The following ADAMTSL1 variants were observed in gnomAD, a reference collection of about 807,000 sequenced individuals.
ADAMTSL1 encodes ADAMTS-like protein 1.
ADAMTSL1 carries 126 observed loss-of-function variants against 201.8 expected under a neutral mutation model. The ratio of observed to expected loss-of-function variants is 0.62; its 90% confidence interval spans 0.54 to 0.72. ADAMTSL1 has a LOEUF of 0.72. Ranked by LOEUF, ADAMTSL1 falls within the 30% of genes least tolerant of loss-of-function variation. ADAMTSL1 has a pLI of 0.00. For missense variants in ADAMTSL1, 2,679 were observed against 2,277.8 expected (o/e 1.18, Z -3.59); for synonymous variants, 1,121 against 903.4 (o/e 1.24, Z -4.32).
chr9:18,843,886 C>G (rs1448099235), intron 23 of ADAMTSL1, among the ~76,000 whole-genome samples: 1 of 151,742 alleles, frequency 6.6e-6, no homozygotes, highest in Non-Finnish European at 1.5e-5. Context: ...TCAGCTCCAT[C>G]AGCTCCTTTA....
chr9:18,797,922 T>C (rs10963767), intron 20 of ADAMTSL1, among the ~76,000 whole-genome samples: 44,172 of 152,052 alleles, frequency 0.29, 6,937 homozygotes, highest in South Asian at 0.35. Context: ...CCAACTCTGC[T>C]TCCATGTATC....
intron 3 of ADAMTSL1, among the ~76,000 whole-genome samples, chr9:18,553,198 G>A (rs9792478): frequency 0.64 from 94,989 of 147,658 alleles, 30,723 homozygotes; most frequent in East Asian, 0.78. Context: ...ACTTCTTAGA[G>A]CTAGTCCCAG....
intron 7 of ADAMTSL1, among the ~76,000 whole-genome samples, chr9:18,643,844 G>C (rs1168460990): frequency 6.6e-6 from 1 of 151,466 alleles, no homozygotes; most frequent in Admixed American, 6.6e-5. Flanking sequence ...TTTTGTTCTA[G>C]ATTGCTTTGG....
At chr9:18,021,809 G>C (rs1250893521) in intron 1 of ADAMTSL1, among the ~76,000 whole-genome samples, 1 of 152,022 alleles carries the variant, frequency 6.6e-6, no homozygotes, top group Non-Finnish European at 1.5e-5. Context: ...CTCATGTCAA[G>C]AATGGAACAT....
chr9:18,675,635 C>A (rs932477548), intron 9 of ADAMTSL1, among the ~76,000 whole-genome samples: 3 of 152,110 alleles, frequency 2.0e-5, no homozygotes, highest in African/African-American at 7.2e-5. Flanking sequence ...CTGCTTGGAT[C>A]AGAGAACTAA....
At chr9:17,980,630 A>G (rs1274312852) in intron 1 of ADAMTSL1, among the ~76,000 whole-genome samples, 5 of 151,974 alleles carry the variant, frequency 3.3e-5, no homozygotes, top group African/African-American at 1.2e-4. Flanking sequence ...TTGGGGGGCA[A>G]TTGGGTCATG....
chr9:18,688,689 A>AAAAAAAAAAAAAT (rs1554730404), intron 13 of ADAMTSL1, among the ~76,000 whole-genome samples: 1 of 8,652 alleles, frequency 1.2e-4, no homozygotes, highest in Non-Finnish European at 2.2e-4. Context: ...AAAAAAAAAA[A>AAAAAAAAAAAAAT]ATATATATAT....
chr9:18,566,120 A>G (rs556219993), intron 3 of ADAMTSL1, among the ~76,000 whole-genome samples: 1 of 152,344 alleles, frequency 6.6e-6, no homozygotes, highest in South Asian at 2.1e-4. Flanking sequence ...ATGTATTAGT[A>G]TTCTTGTAAA....
At chr9:18,069,404 TATAC>T (rs746164406) in intron 1 of ADAMTSL1, among the ~76,000 whole-genome samples, 3 of 152,148 alleles carry the variant, frequency 2.0e-5, no homozygotes, top group African/African-American at 7.2e-5. Flanking sequence ...CAACGTATTA[TATAC>T]ATACATACAT....
At chr9:18,686,214 C>A (rs774220577) in intron 13 of ADAMTSL1, among the ~76,000 whole-genome samples, 1 of 152,184 alleles carries the variant, frequency 6.6e-6, no homozygotes, top group Non-Finnish European at 1.5e-5. Context: ...AGCCACAGCG[C>A]CTGGCCCGGG....
At position 18,155,003 on chromosome 9, in the gene ADAMTSL1, G is replaced by T. The variant is rs149825572; in HGVS notation, c.88-8859G>T. 8.3e-3 allele frequency among the ~76,000 whole-genome samples: 1,257 copies of T among 152,122 alleles called. 7 individuals carry two copies. The highest frequency in any genetic ancestry group is 0.014 in the Admixed American group (211 of 15,274). On this transcript the variant is annotated intron_variant, in intron 1 of 29. Transcript: ENST00000680146. The stretch of plus-strand genomic sequence containing the variant: ...GTGAGGGTTGCTGGTGGGTGGTGAT[G>T]GAGGTGGTGAGTCACAGATATAAGA...
intron 5 of ADAMTSL1, among the ~76,000 whole-genome samples, chr9:18,632,894 G>A (rs1429244858): frequency 6.6e-6 from 1 of 152,086 alleles, no homozygotes; most frequent in African/African-American, 2.4e-5. Context: ...TATTTCACCT[G>A]GTCTACTTTC....
intron 4 of ADAMTSL1, among the ~76,000 whole-genome samples, chr9:18,600,801 A>G (rs894154705): frequency 1.3e-5 from 2 of 152,200 alleles, no homozygotes; most frequent in African/African-American, 4.8e-5. Flanking sequence ...TTTAAAATCT[A>G]AAGAAACAAA....
intron 16 of ADAMTSL1, among the ~76,000 whole-genome samples, chr9:18,764,163 A>G: frequency 6.6e-6 from 1 of 152,130 alleles, no homozygotes; most frequent in East Asian, 1.9e-4. Context: ...GTTCTCTTCA[A>G]TTTATTTCAT....
chr9:18,347,999 G>A (rs972959726), intron 2 of ADAMTSL1, among the ~76,000 whole-genome samples: 2 of 152,156 alleles, frequency 1.3e-5, no homozygotes, highest in Non-Finnish European at 2.9e-5. Flanking sequence ...AGAAAGGAAA[G>A]CATTGAAAGC....
chr9:18,903,984 G>T (rs1301638957), intron 26 of ADAMTSL1, among the ~76,000 whole-genome samples: 1 of 151,656 alleles, frequency 6.6e-6, no homozygotes, highest in Non-Finnish European at 1.5e-5. Flanking sequence ...TTAGAGATGG[G>T]GTCTCACTAT....
At position 18,777,649 on chromosome 9, in the gene ADAMTSL1, C is replaced by T. The variant is rs1821137350; in HGVS notation, c.3420C>T (p.Gly1140=). Residue 1140 remains glycine, a synonymous_variant, in exon 19 of 29, where the codon GGC becomes GGT. Coordinates refer to ENST00000380548, the MANE Select transcript of ADAMTSL1 (RefSeq NM_001040272.6). ...VTLSPHKHVS[G]FSSSLRTSST... ...TCTCGCCTCATAAACACGTGTCTGGCTTCAGCAGCTCCCTGCGGACCTCCT... is the reference window on the plus strand; with the variant it reads ...TCTCGCCTCATAAACACGTGTCTGGTTTCAGCAGCTCCCTGCGGACCTCCT... 4 of 1,613,684 alleles carry T rather than the reference C, an allele frequency of 2.5e-6. No individual in the cohort carries two copies.
intron 13 of ADAMTSL1, among the ~76,000 whole-genome samples, chr9:18,705,317 T>C (rs1442180965): frequency 6.6e-6 from 1 of 152,136 alleles, no homozygotes; most frequent in Non-Finnish European, 1.5e-5. Flanking sequence ...AAATAAAAAA[T>C]AAAAAAATTA....
At chr9:17,919,431 AT>A (rs1405009655) in intron 1 of ADAMTSL1, among the ~76,000 whole-genome samples, 1 of 151,996 alleles carries the variant, frequency 6.6e-6, no homozygotes. Flanking sequence ...CTTTTGCAAC[AT>A]TTTTGTGAAT....
Sources: gnomAD v4.1 joint callset for allele counts (sites outside exome capture counted in the v4.1 genomes callset) on GRCh38, gnomAD v4.1.1 for gene constraint, MANE v1.5 for transcripts, NCBI Gene and HGNC (gene_info 2026-07-23, HGNC 2026-07-21) for gene names.